The following EPHA7 variants were observed in gnomAD, a reference collection of about 807,000 sequenced individuals.
EPHA7 encodes EPH receptor A7.
In EPHA7, 25 loss-of-function variants were observed where a neutral mutation model predicts 112.6. The ratio of observed to expected loss-of-function variants is 0.22; its 90% CI spans 0.16 to 0.31. The LOEUF (loss-of-function observed/expected upper bound fraction) is 0.31, where lower values mean the gene tolerates loss of function less well. EPHA7 is among the 10% of genes least tolerant of loss of function. The pLI, the probability that EPHA7 is intolerant of heterozygous loss-of-function variation, is 1.00. For missense variants in EPHA7, 962 were observed against 1,212.6 expected, an observed-to-expected ratio of 0.79 and a Z score of 3.07; for synonymous variants, 437 against 406.5, an observed-to-expected ratio of 1.07 and a Z score of -0.90.
chr6:93,390,917 C>G (rs574105586), intron 3 of EPHA7, among the ~76,000 whole-genome samples: 317 of 151,916 alleles, frequency 2.1e-3, no homozygotes, highest in African/African-American at 7.3e-3. Flanking sequence ...GGTTTTAATT[C>G]CAAACATTTT....
At chr6:93,399,036 T>C (rs1012599097) in intron 3 of EPHA7, among the ~76,000 whole-genome samples, 3 of 152,204 alleles carry the variant, frequency 2.0e-5, no homozygotes, top group Non-Finnish European at 4.4e-5. Flanking sequence ...GAAACAGATA[T>C]TGCAGAAGGG....
At chr6:93,256,901 T>A (rs1489728831) in intron 12 of EPHA7, among the ~76,000 whole-genome samples, 1 of 152,128 alleles carries the variant, frequency 6.6e-6, no homozygotes, top group Non-Finnish European at 1.5e-5. Flanking sequence ...GGAAAAATGT[T>A]CACATGTTAA....
intron 3 of EPHA7, 142 bp from the exon 4 acceptor site, chr6:93,358,553 G>A: frequency 1.5e-6 from 1 of 649,436 alleles, no homozygotes; most frequent in Non-Finnish European, 2.4e-6. Context: ...TCATTTTAGG[G>A]TATTTCACTA....
intron 3 of EPHA7, among the ~76,000 whole-genome samples, chr6:93,384,689 TCCTGAAAGA>T (rs964808897): frequency 1.4e-4 from 22 of 152,168 alleles, no homozygotes; most frequent in African/African-American, 5.3e-4. Context: ...ACATATTATC[TCCTGAAAGA>T]CCTTATTTGT....
chr6:93,395,665 A>G (rs1381542857), intron 3 of EPHA7, among the ~76,000 whole-genome samples: 3 of 151,646 alleles, frequency 2.0e-5, no homozygotes, highest in Non-Finnish European at 4.4e-5. Flanking sequence ...TTCTCAAATG[A>G]CACATAGGGC....
At chr6:93,245,485 T>C in intron 15 of EPHA7, 32 bp from the exon 16 acceptor site, 1 of 1,593,932 alleles carries the variant, frequency 6.3e-7, no homozygotes, top group Non-Finnish European at 8.5e-7. Flanking sequence ...AAGCGAACAT[T>C]ATCCTGAAAT....
chr6:93,258,035 C>A, intron 11 of EPHA7, 64 bp downstream of exon 11: 2 of 1,436,944 alleles, frequency 1.4e-6, no homozygotes, highest in South Asian at 2.4e-5. Flanking sequence ...TTATTGTGTA[C>A]ATAATAATAC....
rs141936703 is a variant in EPHA7, at chr6:93,288,058, C to T, written c.1325-15636G>A. On this transcript the variant is annotated intron_variant, in intron 5 of 16. Coordinates refer to ENST00000369303, the MANE Select transcript of EPHA7 (RefSeq NM_004440.4). The stretch of plus-strand genomic sequence containing the variant: ...AGTTAAATATAAAGTTACCATATGA[C>T]CTAGTAATTCCACTCTTAGTTATCT... 5.3e-5 allele frequency among the ~76,000 whole-genome samples: 8 copies of T among 152,106 alleles called. No individual in the cohort carries two copies. In the East Asian group the frequency reaches 1.4e-3, roughly 26 times the overall value.
intron 5 of EPHA7, among the ~76,000 whole-genome samples, chr6:93,340,634 G>A (rs1347973611): frequency 6.6e-6 from 1 of 151,842 alleles, no homozygotes; most frequent in Non-Finnish European, 1.5e-5. Context: ...CACTCAACCT[G>A]TAGTAAAACG....
chr6:93,241,245 A>G lies in EPHA7; in HGVS notation c.*2181T>C, dbSNP rs757017519. On this transcript the variant is annotated 3_prime_UTR_variant, in exon 17 of 17. Transcript: ENST00000369303. ...AAGCACCTTAAGCTATGAACAAGAAAAGAACTTCATTATTAGTGAGTCTAG... is the reference window on the plus strand; with the variant it reads ...AAGCACCTTAAGCTATGAACAAGAAGAGAACTTCATTATTAGTGAGTCTAG... 1 of 219,684 alleles carries G rather than the reference A, an allele frequency of 4.6e-6. No individual in the cohort carries two copies. The highest frequency in any genetic ancestry group is 9.1e-6 in the Non-Finnish European group (1 of 109,302). The allele number at this position is 219,684 out of a possible 1,614,324, so 13.6% of individuals were successfully genotyped here. A position where few individuals can be genotyped will look rare whatever the true frequency, so the allele number is the denominator to read the frequency against.
At chr6:93,418,978 T>C (rs535268948) in intron 1 of EPHA7, among the ~76,000 whole-genome samples, 1 of 152,240 alleles carries the variant, frequency 6.6e-6, no homozygotes, top group South Asian at 2.1e-4. Flanking sequence ...CCGTTGCTGC[T>C]CACGCCCTCC....
intron 1 of EPHA7, among the ~76,000 whole-genome samples, chr6:93,417,799 C>T (rs1779315815): frequency 6.6e-6 from 1 of 152,000 alleles, no homozygotes; most frequent in Admixed American, 6.6e-5. Context: ...GCGTAACCGC[C>T]AGCTTGGAGG....
At chr6:93,278,244 A>G (rs1173439952) in intron 5 of EPHA7, among the ~76,000 whole-genome samples, 3 of 152,072 alleles carry the variant, frequency 2.0e-5, no homozygotes. Context: ...TGCTAAACAC[A>G]TACTAGGACT....
At chr6:93,395,621 G>A (rs1032950452) in intron 3 of EPHA7, among the ~76,000 whole-genome samples, 2 of 144,386 alleles carry the variant, frequency 1.4e-5, no homozygotes, top group East Asian at 4.1e-4. Context: ...ACATCTGTCC[G>A]TCACTCACTT....
At chr6:93,370,062 T>C (rs982662935) in intron 3 of EPHA7, among the ~76,000 whole-genome samples, 1 of 152,182 alleles carries the variant, frequency 6.6e-6, no homozygotes, top group Non-Finnish European at 1.5e-5. Flanking sequence ...ATACTTTAGA[T>C]GATTTTAACA....
At chr6:93,279,353 C>T (rs989992457) in intron 5 of EPHA7, among the ~76,000 whole-genome samples, 2 of 152,084 alleles carry the variant, frequency 1.3e-5, no homozygotes, top group African/African-American at 4.8e-5. Context: ...TACATATGCA[C>T]CATGATTTAT....
At chr6:93,381,098 TA>T (rs1380538724) in intron 3 of EPHA7, among the ~76,000 whole-genome samples, 1 of 152,184 alleles carries the variant, frequency 6.6e-6, no homozygotes. Context: ...AATACATAAT[TA>T]TTTTTTTCTG....
At chr6:93,384,862 T>C (rs1478336147) in intron 3 of EPHA7, among the ~76,000 whole-genome samples, 1 of 152,128 alleles carries the variant, frequency 6.6e-6, no homozygotes, top group Non-Finnish European at 1.5e-5. Flanking sequence ...CTGAATGGCA[T>C]GAAGGTAAAA....
At chr6:93,257,723 C>A (rs984852424) in intron 11 of EPHA7, among the ~76,000 whole-genome samples, 200 bp from the exon 12 acceptor site, 1 of 151,898 alleles carries the variant, frequency 6.6e-6, no homozygotes, top group African/African-American at 2.4e-5. Context: ...TAAAATTAAA[C>A]CATATAAATA....
Sources: allele counts gnomAD v4.1 joint callset (sites outside exome capture counted in the v4.1 genomes callset), GRCh38; gene constraint gnomAD v4.1.1; transcripts MANE v1.5; gene names NCBI Gene and HGNC (gene_info 2026-07-23, HGNC 2026-07-21).